Variants in NRF1 observed in about 807,000 individuals in gnomAD.
The protein encoded by NRF1 is alpha palindromic-binding protein.
NRF1 carries 5 observed loss-of-function variants against 58.5 expected under a neutral mutation model. The ratio of observed to expected loss-of-function variants is 0.09; its 90% CI spans 0.04 to 0.18. The LOEUF is 0.18. Ranked by LOEUF, NRF1 falls within the 10% of genes least tolerant of loss-of-function variation. NRF1 has a pLI of 1.00. For missense variants in NRF1, 288 were observed against 657.7 expected, an observed-to-expected ratio of 0.44 and a Z score of 6.15; for synonymous variants, 224 against 246.7, an observed-to-expected ratio of 0.91 and a Z score of 0.86.
At chr7:129,750,577 G>C (rs1804092076) in intron 10 of NRF1, among the ~76,000 whole-genome samples, 2 of 152,216 alleles carry the variant, frequency 1.3e-5, no homozygotes, top group African/African-American at 2.4e-5. Context: ...GGGGTTCCAA[G>C]GCATGCGAGG....
chr7:129,637,191 C>T (rs1801184591), intron 1 of NRF1, among the ~76,000 whole-genome samples: 1 of 151,736 alleles, frequency 6.6e-6, no homozygotes, highest in Non-Finnish European at 1.5e-5. Context: ...AGAAGAAATT[C>T]CACTGTTACC....
chr7:129,614,508 G>T (rs895520487), intron 1 of NRF1, among the ~76,000 whole-genome samples: 39 of 144,870 alleles, frequency 2.7e-4, no homozygotes, highest in Non-Finnish European at 5.6e-4. Context: ...TAGAGATGGG[G>T]ATCTTGCTAT....
intron 2 of NRF1, among the ~76,000 whole-genome samples, chr7:129,664,248 T>G (rs1801871184): frequency 6.6e-6 from 1 of 152,156 alleles, no homozygotes; most frequent in Non-Finnish European, 1.5e-5. Context: ...TGGGCTACAT[T>G]TTATATCTTT....
chr7:129,732,103 TGAG>T (rs1406327988), intron 10 of NRF1, among the ~76,000 whole-genome samples: 1 of 152,198 alleles, frequency 6.6e-6, no homozygotes, highest in Non-Finnish European at 1.5e-5. Context: ...CACTCAGACT[TGAG>T]GAGCTCTTTG....
At chr7:129,698,182 T>G (rs1270109997) in intron 5 of NRF1, among the ~76,000 whole-genome samples, 1 of 151,968 alleles carries the variant, frequency 6.6e-6, no homozygotes, top group African/African-American at 2.4e-5. Flanking sequence ...GTTTTTGTCT[T>G]TTGTCTTTTT....
intron 5 of NRF1, among the ~76,000 whole-genome samples, chr7:129,698,610 G>A (rs1667071279): frequency 6.6e-6 from 1 of 152,058 alleles, no homozygotes; most frequent in African/African-American, 2.4e-5. Context: ...TTTCTTTTAG[G>A]ATACTACAGA....
At chr7:129,685,466 T>C (rs1277524276) in intron 4 of NRF1, among the ~76,000 whole-genome samples, 1 of 152,146 alleles carries the variant, frequency 6.6e-6, no homozygotes, top group South Asian at 2.1e-4. Context: ...CTGGTAATTA[T>C]AAAATGTTTG....
intron 1 of NRF1, among the ~76,000 whole-genome samples, chr7:129,619,433 T>TATATATATAC (rs1554401492): frequency 3.0e-5 from 2 of 65,870 alleles, no homozygotes; most frequent in African/African-American, 8.2e-5. Context: ...TATATATATA[T>TATATATATAC]ACACACACAC....
chr7:129,631,403 A>G (rs1392508145), intron 1 of NRF1, among the ~76,000 whole-genome samples: 4 of 151,926 alleles, frequency 2.6e-5, no homozygotes, highest in African/African-American at 9.7e-5. Context: ...ATTTTTTTGT[A>G]GAGATGGGGT....
intron 3 of NRF1, among the ~76,000 whole-genome samples, chr7:129,673,818 TTAAAG>T (rs1342442915): frequency 6.6e-6 from 1 of 151,622 alleles, no homozygotes; most frequent in Non-Finnish European, 1.5e-5. Flanking sequence ...ATCCCAGAAC[TTAAAG>T]TAAAATTAAA....
Position 129,727,220 on chromosome 7 carries a change from C to T in NRF1, c.1224-21C>T, listed in dbSNP as rs772786040. ...GCTGTTCCTCTATTCATCATCCTCT[C>T]TCCTGTTCCTGTGCCCGCAGCGAAG... On this transcript the variant is annotated intron_variant, in intron 9 of 10. Transcript: ENST00000393232. 4 of 1,579,762 alleles carry T rather than the reference C, an allele frequency of 2.5e-6. No individual in the cohort carries two copies. The South Asian group carries it at 3.5e-5, about 14-fold the overall frequency.
At chr7:129,612,131 C>T (rs1394489448) in intron 1 of NRF1, among the ~76,000 whole-genome samples, 1 of 150,616 alleles carries the variant, frequency 6.6e-6, no homozygotes, top group African/African-American at 2.4e-5. Flanking sequence ...CTCTCGGGGC[C>T]GCGGCCTTCT....
intron 10 of NRF1, among the ~76,000 whole-genome samples, chr7:129,746,405 T>C (rs1388423340): frequency 3.3e-5 from 5 of 152,224 alleles, no homozygotes; most frequent in Admixed American, 3.3e-4. Context: ...GTCTAACTGC[T>C]GTCTGCCTGC....
intron 2 of NRF1, among the ~76,000 whole-genome samples, chr7:129,658,285 C>T (rs909819968): frequency 6.6e-6 from 1 of 151,972 alleles, no homozygotes; most frequent in Non-Finnish European, 1.5e-5. Flanking sequence ...TAACATACAT[C>T]CTTTATTTAT....
intron 1 of NRF1, among the ~76,000 whole-genome samples, chr7:129,632,617 GTATATA>G (rs140079909): frequency 6.7e-6 from 1 of 150,094 alleles, no homozygotes. Flanking sequence ...AACTTTTTCT[GTATATA>G]TATATGTATC....
At chr7:129,696,154 G>A (rs1301038652) in intron 5 of NRF1, among the ~76,000 whole-genome samples, 1 of 151,302 alleles carries the variant, frequency 6.6e-6, no homozygotes, top group Non-Finnish European at 1.5e-5. Flanking sequence ...TGAGGCAGGA[G>A]AATCGCTTGA....
intron 9 of NRF1, among the ~76,000 whole-genome samples, chr7:129,721,520 C>T (rs1395513312): frequency 6.8e-5 from 10 of 147,712 alleles, no homozygotes; most frequent in African/African-American, 2.3e-4. Context: ...CTTGCTCTGT[C>T]ACCCAGGCTG....
rs7777582 is a variant in NRF1, at chr7:129,731,294, T to A, written c.1348+3929T>A. On this transcript the variant is annotated intron_variant, in intron 10 of 10. Transcript: ENST00000393232. ...TTGAAAAAAAAAAAAAAAAAGGTAA[T>A]GACCCATGCAAGCCAGAAGTTTAAA... 9.0e-3 allele frequency among the ~76,000 whole-genome samples: 1,290 copies of A among 143,528 alleles called. 22 individuals are homozygous for A. The highest frequency in any genetic ancestry group is 0.031 in the African/African-American group (1,222 of 38,844). 94.2% of individuals were successfully genotyped at this position (143,528 alleles called of 152,430 possible).
intron 10 of NRF1, among the ~76,000 whole-genome samples, chr7:129,752,758 G>C (rs61364075): frequency 0.012 from 1,839 of 152,222 alleles, 42 homozygotes; most frequent in African/African-American, 0.042. Flanking sequence ...TGAACTGAAA[G>C]AGAGATTAAT....
Sources: gnomAD v4.1 joint callset for allele counts (sites outside exome capture counted in the v4.1 genomes callset) on GRCh38, gnomAD v4.1.1 for gene constraint, MANE v1.5 for transcripts, NCBI Gene and HGNC (gene_info 2026-07-23, HGNC 2026-07-21) for gene names.